Variants in PCDHA7 observed in about 807,000 individuals in gnomAD.
PCDHA7 encodes the protein protocadherin alpha-7.
A neutral mutation model predicts 57.2 loss-of-function variants in PCDHA7; 37 were observed. The observed-to-expected ratio is 0.65, with a 90% CI of 0.50 to 0.85. The LOEUF (loss-of-function observed/expected upper bound fraction) is 0.85. Ranked by LOEUF, PCDHA7 falls within the 40% of genes least tolerant of loss-of-function variation. The pLI is 0.00. For missense variants in PCDHA7, 1,188 were observed against 1,241.8 expected, an observed-to-expected ratio of 0.96 and a Z score of 0.65; for synonymous variants, 553 against 558.8, an observed-to-expected ratio of 0.99 and a Z score of 0.15.
Position 140,844,332 on chromosome 5 carries a change from G to C in PCDHA7, c.2355+7594G>C, listed in dbSNP as rs2150370679. On this transcript the variant is annotated intron_variant, in intron 1 of 3. Coordinates refer to ENST00000525929, the MANE Select transcript of PCDHA7 (RefSeq NM_018910.3). ...TTCTTCCTAATTTTATTATAAACTA[G>C]TTAAAAAGTAAAATCAAGAGGGAAG... Among the ~76,000 whole-genome samples the C allele has an allele frequency of 8.0e-5, 12 of 149,222 alleles. 2 individuals carry two copies. The highest frequency in any genetic ancestry group is 1.8e-4 in the Non-Finnish European group (12 of 66,748).
chr5:140,966,852 T>C, intron 1 of PCDHA7: 1 of 1,572,518 alleles, frequency 6.4e-7, no homozygotes, highest in South Asian at 1.1e-5. Flanking sequence ...CTGCCTCTCC[T>C]GCTGCTGTTG....
At chr5:140,840,784 A>G (rs1776867902) in intron 1 of PCDHA7, among the ~76,000 whole-genome samples, 1 of 152,094 alleles carries the variant, frequency 6.6e-6, no homozygotes, top group East Asian at 1.9e-4. Context: ...TTAGAATTAT[A>G]TGCTCACCTC....
At chr5:140,882,131 C>A (rs1236835670) in intron 1 of PCDHA7, 2 of 1,475,734 alleles carry the variant, frequency 1.4e-6, no homozygotes, top group South Asian at 1.4e-5. Context: ...TTTCTTCCTG[C>A]AGAAAATATA....
intron 1 of PCDHA7, among the ~76,000 whole-genome samples, chr5:140,925,696 A>G (rs2153579068): frequency 6.6e-6 from 1 of 150,926 alleles, no homozygotes; most frequent in African/African-American, 2.4e-5. Context: ...GTGGGTATCT[A>G]GCCTATTCTT....
chr5:140,918,429 G>A (rs2078693094), intron 1 of PCDHA7, among the ~76,000 whole-genome samples: 1 of 152,164 alleles, frequency 6.6e-6, no homozygotes, highest in Non-Finnish European at 1.5e-5. Flanking sequence ...GTAGGATGTT[G>A]AATAGGAGTG....
At chr5:140,992,954 C>T (rs1174073844) in intron 3 of PCDHA7, among the ~76,000 whole-genome samples, 4 of 152,190 alleles carry the variant, frequency 2.6e-5, no homozygotes, top group Non-Finnish European at 5.9e-5. Context: ...TTAAATCACC[C>T]CTTATACTGC....
At chr5:140,928,115 T>A (rs2084949063) in intron 1 of PCDHA7, 1 of 1,614,164 alleles carries the variant, frequency 6.2e-7, no homozygotes, top group East Asian at 2.2e-5. Flanking sequence ...CGGGAGCAGA[T>A]CAGTGAATAC....
At chr5:140,914,439 T>A (rs1352001626) in intron 1 of PCDHA7, among the ~76,000 whole-genome samples, 2 of 152,310 alleles carry the variant, frequency 1.3e-5, no homozygotes, top group South Asian at 2.1e-4. Context: ...TCTTTTCCCA[T>A]GTCTTTATTT....
chr5:140,881,909 G>A (rs941994896), intron 1 of PCDHA7: 2 of 230,500 alleles, frequency 8.7e-6, no homozygotes, highest in Non-Finnish European at 1.7e-5. Context: ...AATATAAAAT[G>A]TTGAGCAGAA....
At chr5:140,889,242 TTC>T (rs1195440878) in intron 1 of PCDHA7, among the ~76,000 whole-genome samples, 1 of 151,892 alleles carries the variant, frequency 6.6e-6, no homozygotes, top group African/African-American at 2.4e-5. Flanking sequence ...CCAGAAAATT[TTC>T]TGTTTCCTGT....
chr5:140,978,653 G>A (rs527551897), intron 1 of PCDHA7, among the ~76,000 whole-genome samples: 25 of 152,314 alleles, frequency 1.6e-4, no homozygotes, highest in African/African-American at 5.5e-4. Flanking sequence ...TGTTCTTCCC[G>A]TAGTGTTTTA....
In PCDHA7 at chr5:140,928,308, C is replaced by T. The variant is rs1554205728; in HGVS notation, c.2356-50641C>T. On this transcript the variant is annotated intron_variant, in intron 1 of 3. Transcript: ENST00000525929. The stretch of plus-strand genomic sequence containing the variant: ...TAGGCCGAGTGTTTGCCCAGGACCC[C>T]GACCTGGGGAAGAATGGCCTTGTCT... 3.7e-6 allele frequency: 6 copies of T among 1,614,008 alleles called. No individual in the cohort carries two copies. The South Asian group carries it at 5.5e-5, about 15-fold the overall frequency.
chr5:140,855,021 T>C (rs910000039), intron 1 of PCDHA7, among the ~76,000 whole-genome samples: 2 of 149,920 alleles, frequency 1.3e-5, no homozygotes, highest in African/African-American at 4.9e-5. Context: ...ATGAAACTTC[T>C]TGTATAAAGG....
At chr5:140,984,405 C>T (rs782109046) in intron 3 of PCDHA7, among the ~76,000 whole-genome samples, 1 of 152,114 alleles carries the variant, frequency 6.6e-6, no homozygotes, top group Non-Finnish European at 1.5e-5. Context: ...GAGAACCTAT[C>T]TTTTTTACAG....
chr5:140,883,762 G>T, intron 1 of PCDHA7: 3 of 1,612,794 alleles, frequency 1.9e-6, no homozygotes, highest in Non-Finnish European at 2.5e-6. Context: ...TGGAGCGGCG[G>T]GTGGGCGAGC....
Position 140,836,269 on chromosome 5 carries a change from G to T in PCDHA7, c.1886G>T (p.Gly629Val). The change falls in exon 1 of 4, where the codon GGT becomes GTT. Residue 629 changes from glycine to valine, a missense_variant. This residue lies in a region of PCDHA7 where 892 missense variants were observed against 788.5 expected (regional missense o/e 1.13). Coordinates refer to ENST00000525929, the MANE Select transcript of PCDHA7 (RefSeq NM_018910.3). Reference sequence around the variant, plus strand: ...CCGTTCCGCGTGGGGCTGTACACTGGTGAGATCAGCACGACACGAGCCCTA... The same window carrying T: ...CCGTTCCGCGTGGGGCTGTACACTGTTGAGATCAGCACGACACGAGCCCTA... The part of the protein sequence containing the change: ...SIPFRVGLYT[G>V]EISTTRALDE... The T allele has an allele frequency of 1.2e-6, 2 of 1,613,790 alleles. No homozygotes were observed. Among genetic ancestry groups the T allele is most frequent in the Non-Finnish European group, 1.7e-6 (2 of 1,179,810 alleles).
In PCDHA7 at chr5:141,009,724, T is replaced by A. The variant is rs1554262325; in HGVS notation, c.2601T>A (p.Gly867=). The change falls in exon 4 of 4, where the codon GGT becomes GGA. Residue 867 remains glycine (G), a synonymous_variant. Transcript: ENST00000525929. ...KYGPGNPKQS[G]PGELPDKFII... is the part of the protein sequence containing the mutation. ...GACCAGGCAACCCCAAACAATCCGG[T>A]CCCGGTGAGTTGCCCGACAAATTCA... 6.2e-7 allele frequency: 1 copy of A among 1,614,116 alleles called. No individual in the cohort carries two copies. The highest frequency in any genetic ancestry group is 2.2e-5 in the East Asian group (1 of 44,868).
At chr5:140,877,192 G>A in intron 1 of PCDHA7, 2 of 1,613,846 alleles carry the variant, frequency 1.2e-6, no homozygotes, top group Non-Finnish European at 1.7e-6. Flanking sequence ...TGGCAGCGCA[G>A]GAGGCGCAGT....
At position 140,883,606 on chromosome 5, in the gene PCDHA7, C is replaced by G; in HGVS notation, c.2355+46868C>G. 3 of 1,613,944 alleles carry G rather than the reference C, an allele frequency of 1.9e-6. No homozygotes were observed. In the African/African-American group the frequency reaches 4.0e-5, roughly 22 times the overall value. On this transcript the variant is annotated intron_variant, in intron 1 of 3. Coordinates refer to ENST00000525929, the MANE Select transcript of PCDHA7 (RefSeq NM_018910.3). ...CGGCCAGCGTGTCGGTGGGGGTGGC[C>G]GACGTGAACGACAACGCGCCGGCGT...
Sources: allele counts gnomAD v4.1 joint callset (sites outside exome capture counted in the v4.1 genomes callset), GRCh38; gene constraint gnomAD v4.1.1; regional missense constraint gnomAD v4.1.1; transcripts MANE v1.5; gene names NCBI Gene and HGNC (gene_info 2026-07-23, HGNC 2026-07-21).